The following DNAH12 variants were observed in gnomAD, a reference collection of about 807,000 sequenced individuals.
The protein encoded by DNAH12 is axonemal beta dynein heavy chain 12.
A neutral mutation model predicts 371.5 loss-of-function variants in DNAH12; 285 were observed. The ratio of observed to expected loss-of-function variants is 0.77; its 90% CI spans 0.70 to 0.85. DNAH12 has a LOEUF of 0.85. Among genes scored for constraint, DNAH12 ranks in the 40% least tolerant of loss-of-function variants. The probability of loss-of-function intolerance (pLI) is 0.00; values close to 1 mark genes in which losing one functional copy is unlikely to be tolerated. For missense variants in DNAH12, 3,611 were observed against 3,689.4 expected (o/e 0.98, Z 0.55); for synonymous variants, 1,200 against 1,213.0 (o/e 0.99, Z 0.22).
chr3:57,334,747 C>A, intron 61 of DNAH12, 35 bp downstream of exon 61: 1 of 1,528,262 alleles, frequency 6.5e-7, no homozygotes, highest in Non-Finnish European at 8.8e-7. Flanking sequence ...TACATATTGC[C>A]ATTCAATGAT....
In DNAH12 at chr3:57,323,610, C is replaced by G; in HGVS notation, c.9988G>C (p.Ala3330Pro). ...TTGTCAGTTACATAGTTTGTTATAG[C>G]TGGGGTTATCTGTTGAAGAGAAAAG... The part of the protein sequence containing the change: ...RCLRPDKITP[A>P]ITNYVTDKLG... Residue 3330 changes from alanine (A) to proline (P), a missense_variant, in exon 63 of 74, where the codon GCT becomes CCT. By Grantham distance (27) the Ala-to-Pro change is conservative (BLOSUM62 -1). Coordinates refer to ENST00000495027, the MANE Select transcript of DNAH12 (RefSeq NM_001366028.2). 1.3e-6 allele frequency: 2 copies of G among 1,540,524 alleles called. No individual in the cohort carries two copies. The highest frequency in any genetic ancestry group is 1.7e-6 in the Non-Finnish European group (2 of 1,143,820).
intron 45 of DNAH12, among the ~76,000 whole-genome samples, chr3:57,390,627 G>A (rs2063604097): frequency 6.7e-6 from 1 of 149,320 alleles, no homozygotes; most frequent in Admixed American, 6.7e-5. Flanking sequence ...ACATTCTATT[G>A]GGCATAAAAC....
Position 57,310,855 on chromosome 3 carries a change from G to A in DNAH12, c.10758C>T (p.Asp3586=), listed in dbSNP as rs2061569223. 2 of 1,551,398 alleles carry A rather than the reference G, an allele frequency of 1.3e-6. No homozygotes were observed. The highest frequency in any genetic ancestry group is 1.7e-6 in the Non-Finnish European group (2 of 1,146,904). Residue 3586 remains aspartate, a synonymous_variant, in exon 67 of 74, where the codon GAC becomes GAT. Coordinates refer to ENST00000495027, the MANE Select transcript of DNAH12 (RefSeq NM_001366028.2). The part of the protein sequence containing the change: ...NYGGRVTDDW[D]RRLLLTMLAD... The stretch of plus-strand genomic sequence containing the variant: ...CCAGCATGGTTAATAGAAGACGTCT[G>A]TCCCAATCGTCTGTCACTCTTCCTC...
chr3:57,498,380 G>A, intron 11 of DNAH12: 1 of 659,622 alleles, frequency 1.5e-6, no homozygotes, highest in South Asian at 1.7e-5. Context: ...GCAGTGGCAT[G>A]ATCATAACTC....
At chr3:57,300,002 A>G (rs528482255) in intron 70 of DNAH12, among the ~76,000 whole-genome samples, 13 of 152,114 alleles carry the variant, frequency 8.5e-5, no homozygotes, top group Admixed American at 7.9e-4. Flanking sequence ...ATCCACTAGC[A>G]CATCTTGTTT....
chr3:57,449,696 G>T (rs917647806), intron 25 of DNAH12, among the ~76,000 whole-genome samples: 1 of 152,186 alleles, frequency 6.6e-6, no homozygotes, highest in Non-Finnish European at 1.5e-5. Flanking sequence ...CGCAAGCGCC[G>T]CACGCAGCCT....
intron 65 of DNAH12, among the ~76,000 whole-genome samples, chr3:57,318,824 C>T (rs1213169883): frequency 1.3e-5 from 2 of 151,876 alleles, no homozygotes; most frequent in Non-Finnish European, 2.9e-5. Context: ...TTTCAGAGAA[C>T]AAAGCCTCTA....
At chr3:57,487,357 A>C (rs13059745) in intron 12 of DNAH12, among the ~76,000 whole-genome samples, 8 of 75,532 alleles carry the variant, frequency 1.1e-4, no homozygotes, top group Non-Finnish European at 1.7e-4. Context: ...GAGAGAGAGA[A>C]AGAAAGAGAA....
chr3:57,519,664 C>G, intron 4 of DNAH12: 1 of 1,547,612 alleles, frequency 6.5e-7, no homozygotes, highest in Non-Finnish European at 8.9e-7. Context: ...GCCTTCTAAC[C>G]GCTCTCATTT....
intron 43 of DNAH12, among the ~76,000 whole-genome samples, chr3:57,401,397 A>AC (rs1422542980): frequency 0.023 from 3,530 of 150,672 alleles, 66 homozygotes; most frequent in Admixed American, 0.035. Flanking sequence ...AAAATACAAA[A>AC]AAAAAAAAAA....
rs745365282 is a variant in DNAH12 at position 57,452,973 on chromosome 3, C to T, written c.3656G>A (p.Arg1219Gln). 2.8e-5 allele frequency: 44 copies of T among 1,549,376 alleles called. No homozygotes were observed. Among genetic ancestry groups the T allele is most frequent in the Admixed American group, 5.9e-5 (3 of 50,836 alleles). Residue 1219 changes from arginine to glutamine, a missense_variant, in exon 25 of 74, where the codon CGA becomes CAA. Around this residue, in one of 3 missense-constraint regions of DNAH12, gnomAD observed 31 missense variants for 53.8 expected, o/e 0.58. Transcript: ENST00000495027. ...GGCATTCTCATTTTCCCAATAATAT[C>T]GGAGCTGAGCAAGCCACAGGAAATC... ...DTDFLWLAQL[R>Q]YYWENENARV...
At chr3:57,519,558 A>T in intron 4 of DNAH12, 1 of 655,958 alleles carries the variant, frequency 1.5e-6, no homozygotes, top group East Asian at 2.8e-5. Flanking sequence ...AGATCCATCG[A>T]CTCCTATTTG....
At chr3:57,547,777 GT>G (rs1335308573), upstream of DNAH12, among the ~76,000 whole-genome samples, 1 of 152,150 alleles carries the variant, frequency 6.6e-6, no homozygotes, top group African/African-American at 2.4e-5. Context: ...GTCCTCATCA[GT>G]TCCGTCCCAT....
intron 39 of DNAH12, among the ~76,000 whole-genome samples, chr3:57,409,887 T>C (rs1233890203): frequency 1.3e-5 from 2 of 152,046 alleles, no homozygotes; most frequent in East Asian, 1.9e-4. Context: ...GTGGGGAGAA[T>C]GGAAGGGTTA....
chr3:57,351,606 C>T (rs1487080988), intron 60 of DNAH12, among the ~76,000 whole-genome samples: 1 of 152,058 alleles, frequency 6.6e-6, no homozygotes, highest in African/African-American at 2.4e-5. Context: ...CTCATGCTAC[C>T]ACATGGATGA....
the DNAH12 span, among the ~76,000 whole-genome samples, chr3:57,552,864 A>G: frequency 6.7e-6 from 1 of 150,270 alleles, no homozygotes; most frequent in Non-Finnish European, 1.5e-5. Context: ...TGGGTGACAG[A>G]ATGAGACCCT....
intron 13 of DNAH12, among the ~76,000 whole-genome samples, chr3:57,482,403 A>AT (rs1559706788): frequency 1.3e-5 from 2 of 151,952 alleles, no homozygotes; most frequent in Non-Finnish European, 1.5e-5. Context: ...AATGGCGATC[A>AT]TTAAAAAGTC....
At chr3:57,450,775 G>A (rs1025278848) in intron 25 of DNAH12, among the ~76,000 whole-genome samples, 2 of 152,148 alleles carry the variant, frequency 1.3e-5, no homozygotes, top group African/African-American at 4.8e-5. Flanking sequence ...AGAAAATAAA[G>A]GGTTTGGTGA....
intron 37 of DNAH12, among the ~76,000 whole-genome samples, chr3:57,417,170 A>C (rs921134619): frequency 1.4e-5 from 2 of 145,810 alleles, no homozygotes; most frequent in African/African-American, 5.2e-5. Flanking sequence ...GAATCGCTTG[A>C]ACCCGGGAGG....
Sources: gnomAD v4.1 joint callset for allele counts (sites outside exome capture counted in the v4.1 genomes callset) on GRCh38, gnomAD v4.1.1 for gene constraint, gnomAD v4.1.1 regional missense constraint, MANE v1.5 for transcripts, NCBI Gene and HGNC (gene_info 2026-07-23, HGNC 2026-07-21) for gene names.